Variants in LYPD6B observed in about 807,000 individuals in gnomAD.
LYPD6B encodes ly6/PLAUR domain-containing protein 6B.
A neutral mutation model predicts 22.8 loss-of-function variants in LYPD6B; 17 were observed. The ratio of observed to expected loss-of-function variants is 0.75; its 90% CI spans 0.51 to 1.12. LYPD6B has a LOEUF of 1.12. Among genes scored for constraint, LYPD6B ranks in the 50% most tolerant of loss-of-function variants. The probability of loss-of-function intolerance (pLI) is 0.00; values close to 1 mark genes in which losing one functional copy is unlikely to be tolerated. For missense variants in LYPD6B, 221 were observed against 258.3 expected, an observed-to-expected ratio of 0.86 and a Z score of 0.99; for synonymous variants, 106 against 91.6, an observed-to-expected ratio of 1.16 and a Z score of -0.90.
intron 2 of LYPD6B, among the ~76,000 whole-genome samples, chr2:149,138,521 C>T (rs1372099463): frequency 6.6e-6 from 1 of 152,166 alleles, no homozygotes; most frequent in Non-Finnish European, 1.5e-5. Flanking sequence ...TGGCCTTTTG[C>T]ATGGGTTTTC....
intron 1 of LYPD6B, among the ~76,000 whole-genome samples, chr2:149,062,874 T>C (rs908986853): frequency 2.7e-5 from 4 of 150,286 alleles, no homozygotes; most frequent in African/African-American, 4.9e-5. Context: ...TTTTTTTTTT[T>C]TTTTTTTTGG....
At position 149,208,757 on chromosome 2, in the gene LYPD6B, C is replaced by T. The variant is rs575297492; in HGVS notation, c.328+345C>T. Among the ~76,000 whole-genome samples the T allele has an allele frequency of 1.2e-3, 176 of 152,330 alleles. 1 individual carries two copies. The highest frequency in any genetic ancestry group is 1.9e-3 in the South Asian group (9 of 4,828). On this transcript the variant is annotated intron_variant, in intron 5 of 6. Coordinates refer to ENST00000409642, the MANE Select transcript of LYPD6B (RefSeq NM_177964.5). Reference sequence around the variant, plus strand: ...GAGATACATTGATATTTGGGAAACTCATTCATTCATTTAACAAACTTCCAA... The same window carrying T: ...GAGATACATTGATATTTGGGAAACTTATTCATTCATTTAACAAACTTCCAA...
intron 1 of LYPD6B, among the ~76,000 whole-genome samples, chr2:149,081,305 T>C (rs1163831147): frequency 6.6e-6 from 1 of 152,244 alleles, no homozygotes; most frequent in African/African-American, 2.4e-5. Flanking sequence ...CCCAATTGCC[T>C]TGAGCTCTTC....
chr2:149,107,149 A>T (rs1686517779), intron 1 of LYPD6B, among the ~76,000 whole-genome samples: 1 of 152,194 alleles, frequency 6.6e-6, no homozygotes, highest in South Asian at 2.1e-4. Context: ...AAAATATCTT[A>T]TTGTGCTGTA....
chr2:149,045,165 A>C (rs1429224237), intron 1 of LYPD6B, among the ~76,000 whole-genome samples: 1 of 152,070 alleles, frequency 6.6e-6, no homozygotes, highest in East Asian at 1.9e-4. Context: ...CTATCTTTCA[A>C]AGATTCAGTC....
intron 1 of LYPD6B, among the ~76,000 whole-genome samples, chr2:149,082,239 T>A (rs1041033107): frequency 6.6e-6 from 1 of 152,170 alleles, no homozygotes; most frequent in African/African-American, 2.4e-5. Flanking sequence ...GACATTAATG[T>A]GAAAAGAGAG....
intron 1 of LYPD6B, among the ~76,000 whole-genome samples, chr2:149,044,401 T>C (rs1272492863): frequency 6.6e-6 from 1 of 152,088 alleles, no homozygotes; most frequent in Admixed American, 6.5e-5. Flanking sequence ...TGCTGGTATA[T>C]AGAAATAGAA....
chr2:149,130,087 C>T (rs1687935188), intron 1 of LYPD6B, among the ~76,000 whole-genome samples: 1 of 152,160 alleles, frequency 6.6e-6, no homozygotes, highest in African/African-American at 2.4e-5. Flanking sequence ...GAACGCTGAA[C>T]GGCAGCTTTT....
intron 1 of LYPD6B, among the ~76,000 whole-genome samples, chr2:149,126,799 C>G (rs1687723879): frequency 6.6e-6 from 1 of 152,164 alleles, no homozygotes; most frequent in South Asian, 2.1e-4. Context: ...TACCTCTCCT[C>G]CATTCTCTAT....
chr2:149,201,580 T>A (rs915441231), intron 3 of LYPD6B, among the ~76,000 whole-genome samples: 7 of 152,294 alleles, frequency 4.6e-5, no homozygotes, highest in African/African-American at 1.7e-4. Context: ...ATAAAAGTCA[T>A]GTTAACACAA....
Position 149,052,756 on chromosome 2 carries a change from C to T in LYPD6B, c.-67+13955C>T, listed in dbSNP as rs6753183. ...TGCCTGTGAGTGCTTTTTGAGTCCCCTTCTTCCCTGTTTTAGTTTACCTTG... is the reference window on the plus strand; with the variant it reads ...TGCCTGTGAGTGCTTTTTGAGTCCCTTTCTTCCCTGTTTTAGTTTACCTTG... On this transcript the variant is annotated intron_variant, in intron 1 of 6. Coordinates refer to ENST00000409642, the MANE Select transcript of LYPD6B (RefSeq NM_177964.5). Among the ~76,000 whole-genome samples, 492 of 152,300 alleles carry T rather than the reference C, an allele frequency of 3.2e-3. 3 individuals are homozygous for T. Among genetic ancestry groups the T allele is most frequent in the African/African-American group, 0.011 (466 of 41,556 alleles).
chr2:149,093,507 G>A (rs1685763531), intron 1 of LYPD6B, among the ~76,000 whole-genome samples: 1 of 152,150 alleles, frequency 6.6e-6, no homozygotes, highest in Admixed American at 6.5e-5. Context: ...GGTTTCTGAT[G>A]ATTTTTACGT....
intron 1 of LYPD6B, among the ~76,000 whole-genome samples, chr2:149,117,429 C>T (rs1687062861): frequency 6.6e-6 from 1 of 152,002 alleles, no homozygotes; most frequent in African/African-American, 2.4e-5. Flanking sequence ...CACCACCATG[C>T]CTAGCTAATT....
intron 1 of LYPD6B, among the ~76,000 whole-genome samples, chr2:149,083,683 C>G (rs1181367658): frequency 6.6e-6 from 1 of 152,114 alleles, no homozygotes; most frequent in African/African-American, 2.4e-5. Context: ...TTTGCCAAAG[C>G]TACTTCATAG....
At chr2:149,209,006 C>T (rs186856018) in intron 5 of LYPD6B, among the ~76,000 whole-genome samples, 55 of 152,168 alleles carry the variant, frequency 3.6e-4, no homozygotes. Flanking sequence ...AAGAGGGAAT[C>T]GCAAATGCAG....
intron 6 of LYPD6B, among the ~76,000 whole-genome samples, chr2:149,214,087 G>A (rs905358694): frequency 6.6e-6 from 1 of 152,146 alleles, no homozygotes; most frequent in African/African-American, 2.4e-5. Flanking sequence ...GTAAACCATT[G>A]TTGCTGTAAT....
At chr2:149,171,861 A>T (rs1690851084) in intron 3 of LYPD6B, among the ~76,000 whole-genome samples, 1 of 152,162 alleles carries the variant, frequency 6.6e-6, no homozygotes, top group South Asian at 2.1e-4. Context: ...GTGAGAGCCC[A>T]TGGCATTGTG....
At chr2:149,104,599 A>G (rs754820675) in intron 1 of LYPD6B, among the ~76,000 whole-genome samples, 5 of 152,240 alleles carry the variant, frequency 3.3e-5, no homozygotes, top group Non-Finnish European at 5.9e-5. Flanking sequence ...GAGCATTCTT[A>G]TATATTCTGT....
intron 1 of LYPD6B, among the ~76,000 whole-genome samples, chr2:149,093,685 C>G (rs567931259): frequency 5.2e-4 from 79 of 152,302 alleles, no homozygotes; most frequent in African/African-American, 1.8e-3. Context: ...TACCTGTGAT[C>G]GTTAGAAACA....
Sources: allele counts gnomAD v4.1 joint callset (sites outside exome capture counted in the v4.1 genomes callset), GRCh38; gene constraint gnomAD v4.1.1; transcripts MANE v1.5; gene names NCBI Gene and HGNC (gene_info 2026-07-23, HGNC 2026-07-21).